FANCB: variants seen among roughly 807,000 people sequenced by gnomAD.
FANCB encodes the protein FA complementation group B, also known as Fanconi anemia group B protein.
In FANCB, 5 loss-of-function variants were observed where a neutral mutation model predicts 38.9. The ratio of observed to expected loss-of-function variants is 0.13; its 90% CI spans 0.07 to 0.27. FANCB has a LOEUF of 0.27. Ranked by LOEUF, FANCB falls within the 10% of genes least tolerant of loss-of-function variation. FANCB has a pLI of 1.00. For missense variants in FANCB, 573 were observed against 602.7 expected, an observed-to-expected ratio of 0.95 and a Z score of 0.52; for synonymous variants, 236 against 215.4, an observed-to-expected ratio of 1.10 and a Z score of -0.84.
At chrX:14,779,016 T>C in the FANCB span, among the ~76,000 whole-genome samples, 1 of 111,984 alleles carries the variant, frequency 8.9e-6, no homozygotes, top group South Asian at 3.7e-4. Flanking sequence ...TACTTGCCCC[T>C]GAGCAGTCCT....
the FANCB span, among the ~76,000 whole-genome samples, chrX:14,772,049 C>A: frequency 8.2e-5 from 9 of 110,172 alleles, no homozygotes; most frequent in Non-Finnish European, 1.3e-4. Flanking sequence ...TGGCTGGAGA[C>A]CCTCATTGAG....
chrX:14,817,360 T>C, the FANCB span, among the ~76,000 whole-genome samples: 1 of 111,711 alleles, frequency 9.0e-6, no homozygotes, highest in African/African-American at 3.3e-5. Context: ...AAATGATTGC[T>C]GAGAAACGAA....
downstream of FANCB, among the ~76,000 whole-genome samples, chrX:14,833,664 A>G (rs1315893155): frequency 1.2e-4 from 6 of 49,253 alleles, no homozygotes; most frequent in Admixed American, 5.8e-4. Context: ...TCACCTGGGG[A>G]GGCTGGGTGT....
chrX:14,693,716 T>C, the FANCB span, among the ~76,000 whole-genome samples: 2 of 111,910 alleles, frequency 1.8e-5, no homozygotes, highest in Non-Finnish European at 3.8e-5. Context: ...ATAACAAATA[T>C]CAAAACACTG....
At chrX:14,748,699 T>C in the FANCB span, among the ~76,000 whole-genome samples, 32 of 111,724 alleles carry the variant, frequency 2.9e-4, no homozygotes, top group African/African-American at 9.8e-4. Context: ...AAAACTAGGT[T>C]GGATCCCATC....
rs758665871 is a variant in FANCB, at chrX:14,845,202, C to T, written c.1581G>A (p.Val527=). The stretch of plus-strand genomic sequence containing the variant: ...GGAAAGGATTTGTACTCAACTTAAT[C>T]ACCCTATTTTGACACTTTAGAAGCC... ...RFRLLKCQNR[V]IKLSTNPFPA... The change falls in exon 8 of 10, where the codon GTG becomes GTA. Residue 527 remains valine (V), a synonymous_variant. Coordinates refer to ENST00000650831, the MANE Select transcript of FANCB (RefSeq NM_001018113.3). 8.3e-7 allele frequency: 1 copy of T among 1,209,212 alleles called. No homozygotes were observed. The highest frequency in any genetic ancestry group is 1.8e-5 in the South Asian group (1 of 56,905).
the FANCB span, among the ~76,000 whole-genome samples, chrX:14,825,719 T>C: frequency 8.9e-6 from 1 of 112,232 alleles, no homozygotes; most frequent in Non-Finnish European, 1.9e-5. Flanking sequence ...GATATTATTA[T>C]ATTGTGTGCC....
the FANCB span, among the ~76,000 whole-genome samples, chrX:14,789,697 A>T: frequency 9.0e-6 from 1 of 111,296 alleles, no homozygotes. Context: ...TTGCAAGATG[A>T]CTGCTTATTA....
At chrX:14,691,271 C>CTGTG in the FANCB span, among the ~76,000 whole-genome samples, 735 of 85,214 alleles carry the variant, frequency 8.6e-3, 3 homozygotes, top group Non-Finnish European at 0.011. Context: ...TAAATATTGA[C>CTGTG]TGTGTGTGTG....
chrX:14,783,168 T>A, the FANCB span, among the ~76,000 whole-genome samples: 1 of 112,057 alleles, frequency 8.9e-6, no homozygotes, highest in Admixed American at 9.5e-5. Context: ...AAAAAATATT[T>A]TATCCCTTAT....
chrX:14,843,479 T>C lies in FANCB; in HGVS notation c.*88A>G. The C allele has an allele frequency of 3.2e-6, 2 of 622,772 alleles. No individual in the cohort carries two copies. The highest frequency in any genetic ancestry group is 5.0e-6 in the Non-Finnish European group (2 of 403,552). 51.3% of individuals were successfully genotyped at this position (622,772 alleles called of 1,213,427 possible). A position where few individuals can be genotyped will look rare whatever the true frequency, so the allele number is the denominator to read the frequency against. On this transcript the variant is annotated 3_prime_UTR_variant, in exon 10 of 10. Coordinates refer to ENST00000650831, the MANE Select transcript of FANCB (RefSeq NM_001018113.3). ...ACTACAGTAAGCCTCGGTGTTTATT[T>C]TTACAAAGGAGGCATATAGCAAGTA...
At chrX:14,724,275 C>T in the FANCB span, among the ~76,000 whole-genome samples, 1 of 111,162 alleles carries the variant, frequency 9.0e-6, no homozygotes, top group African/African-American at 3.3e-5. Flanking sequence ...TTGTTCATTG[C>T]TGTAACTCTA....
the FANCB span, among the ~76,000 whole-genome samples, chrX:14,777,770 C>A: frequency 1.5e-4 from 17 of 112,471 alleles, no homozygotes; most frequent in Non-Finnish European, 3.0e-4. Context: ...TCATTCTACT[C>A]CTCCTGTCCC....
At position 14,865,061 on chromosome X, in the gene FANCB, G is replaced by A. The variant is rs1456243790; in HGVS notation, c.450C>T (p.Phe150=). The change falls in exon 3 of 10, where the codon TTC becomes TTT. Residue 150 remains phenylalanine (F), a synonymous_variant. Coordinates refer to ENST00000650831, the MANE Select transcript of FANCB (RefSeq NM_001018113.3). ...TGCCAGTTTGAGAAGAGATAAAGAA[G>A]AATGCTTTGACATGCCTCCATAAAA... The part of the protein sequence containing the change: ...PLILWRHVKA[F]FFISSQTGKV... 8.3e-7 allele frequency: 1 copy of A among 1,208,380 alleles called. No individual in the cohort carries two copies. Among genetic ancestry groups the A allele is most frequent in the African/African-American group, 1.8e-5 (1 of 57,073 alleles).
chrX:14,745,996 G>A, the FANCB span, among the ~76,000 whole-genome samples: 3 of 110,807 alleles, frequency 2.7e-5, no homozygotes, highest in Non-Finnish European at 3.8e-5. Flanking sequence ...CACCGCACCC[G>A]GCCGAAACTC....
At chrX:14,748,185 G>A in the FANCB span, among the ~76,000 whole-genome samples, 1 of 112,123 alleles carries the variant, frequency 8.9e-6, no homozygotes, top group African/African-American at 3.2e-5. Flanking sequence ...TTACTCAAAA[G>A]AAGCAAGCTA....
intron 7 of FANCB, among the ~76,000 whole-genome samples, chrX:14,847,225 T>C (rs2092380554): frequency 1.8e-5 from 2 of 110,523 alleles, no homozygotes; most frequent in African/African-American, 3.3e-5. Flanking sequence ...ATGTTCTATA[T>C]ATAAAAACAT....
the FANCB span, among the ~76,000 whole-genome samples, chrX:14,724,856 T>C: frequency 1.8e-5 from 2 of 111,321 alleles, no homozygotes; most frequent in African/African-American, 6.5e-5. Flanking sequence ...AACAAGGGGC[T>C]ATATTTGGTT....
At chrX:14,835,026 AGC>A, downstream of FANCB, 1 of 588,352 alleles carries the variant, frequency 1.7e-6, no homozygotes, top group African/African-American at 2.2e-5. Flanking sequence ...CAACTGTAAG[AGC>A]GCTGGTGGTG....
Sources: allele counts gnomAD v4.1 joint callset (sites outside exome capture counted in the v4.1 genomes callset), GRCh38; gene constraint gnomAD v4.1.1; transcripts MANE v1.5; gene names NCBI Gene and HGNC (gene_info 2026-07-23, HGNC 2026-07-21).